The following BBS5 variants were observed in gnomAD, a reference collection of about 807,000 sequenced individuals.
The protein encoded by BBS5 is BBSome complex member BBS5.
Under a neutral mutation model 50.2 loss-of-function variants are expected in BBS5, and 39 were observed. The observed-to-expected ratio is 0.78, with a 90% CI of 0.60 to 1.01. The LOEUF (loss-of-function observed/expected upper bound fraction) is 1.01, where lower values mean the gene tolerates loss of function less well. Among genes scored for constraint, BBS5 ranks in the 50% least tolerant of loss-of-function variants. The pLI, the probability that BBS5 is intolerant of heterozygous loss-of-function variation, is 0.00. For synonymous variants in BBS5, 134 were observed against 133.1 expected (o/e 1.01, Z -0.05); for missense variants, 356 against 401.5 (o/e 0.89, Z 0.97).
chr2:169,504,514 CT>C lies in BBS5; in HGVS notation c.959del (p.Leu320ArgfsTer5), dbSNP rs1559126736. On this transcript the variant is annotated frameshift_variant, in exon 12 of 12. Transcript: ENST00000295240. LOFTEE classifies it high-confidence loss of function. ...TCGTGAACCTGTATTTTCAGAAGAA[CT>C]GGGGCTTGCAATAGAGAAATTGAAG... ...QDREPVFSEE[L>X]GLAIEKLKDG... 1 of 1,613,890 alleles carries C rather than the reference CT, an allele frequency of 6.2e-7. No homozygotes were observed.
rs769851369 is a variant in BBS5, at chr2:169,482,249, A to C, written c.60-2A>C. 15 of 1,596,014 alleles carry C rather than the reference A, an allele frequency of 9.4e-6. No individual in the cohort carries two copies. The highest frequency in any genetic ancestry group is 6.9e-6 in the Non-Finnish European group (8 of 1,163,746). On this transcript the variant is annotated splice_acceptor_variant, in intron 1 of 11. Transcript: ENST00000295240. LOFTEE classifies it high-confidence loss of function. ...AAATTCAAACCTTTATATTCACTTT[A>C]GGCAAATGAAAACAAGACCTGGAGA...
chr2:169,504,811 G>T lies in BBS5; in HGVS notation c.*229G>T. On this transcript the variant is annotated 3_prime_UTR_variant, in exon 12 of 12. Coordinates refer to ENST00000295240, the MANE Select transcript of BBS5 (RefSeq NM_152384.3). ...GGCCTAGTAACCGTCCGGCCGCGGC[G>T]CTGGCTTAAGCCATGGCTGAGGGTA... 3.2e-6 allele frequency: 5 copies of T among 1,574,320 alleles called. No homozygotes were observed. In the South Asian group the frequency reaches 3.4e-5, roughly 11 times the overall value.
At position 169,505,807 on chromosome 2, in the gene BBS5, AC is replaced by A; in HGVS notation, c.*1228del. 1 of 162,440 alleles carries A rather than the reference AC, an allele frequency of 6.2e-6. No individual in the cohort carries two copies. Among genetic ancestry groups the A allele is most frequent in the Non-Finnish European group, 1.3e-5 (1 of 77,846 alleles). 10.1% of individuals were successfully genotyped at this position (162,440 alleles called of 1,614,324 possible). On this transcript the variant is annotated 3_prime_UTR_variant, in exon 12 of 12. Transcript: ENST00000295240. ...TGAGGAGCGTCTCCGCCCGGCAGCC[AC>A]CCAGTCCGGGAGGGAGGTGGGGGGG...
At chr2:169,498,774 T>C (rs1683743453) in intron 8 of BBS5, among the ~76,000 whole-genome samples, 1 of 140,278 alleles carries the variant, frequency 7.1e-6, no homozygotes. Flanking sequence ...GCCGCTGCAC[T>C]CCAGCCTGGC....
chr2:169,502,164 G>A (rs1259253794), intron 9 of BBS5, among the ~76,000 whole-genome samples: 9 of 152,224 alleles, frequency 5.9e-5, no homozygotes, highest in Non-Finnish European at 1.2e-4. Context: ...ACTAGCACAC[G>A]ATAGGCTCTT....
At chr2:169,500,784 C>T (rs1001345659) in intron 9 of BBS5, among the ~76,000 whole-genome samples, 4 of 152,198 alleles carry the variant, frequency 2.6e-5, no homozygotes, top group African/African-American at 4.8e-5. Flanking sequence ...ATTACATACA[C>T]GGTATGTATT....
rs1270924110 is a variant in BBS5, at chr2:169,505,970, C to G, written c.*1388C>G. On this transcript the variant is annotated 3_prime_UTR_variant, in exon 12 of 12. Coordinates refer to ENST00000295240, the MANE Select transcript of BBS5 (RefSeq NM_152384.3). ...GAGGGAGGTGGGGGGGTCAGCCCCC[C>G]GCCCGGCCAGCCGCCCCGTCCGGGA... 1.6e-5 allele frequency: 1 copy of G among 61,792 alleles called. No homozygotes were observed. The highest frequency in any genetic ancestry group is 2.3e-4 in the Admixed American group (1 of 4,318). The allele number at this position is 61,792 out of a possible 1,614,324, so 3.8% of individuals were successfully genotyped here.
chr2:169,498,813 A>C (rs1205512923), intron 8 of BBS5, among the ~76,000 whole-genome samples: 1 of 151,568 alleles, frequency 6.6e-6, no homozygotes, highest in African/African-American at 2.4e-5. Context: ...TCTCAAAAAA[A>C]AAAAAAAAAA....
At chr2:169,492,216 G>T (rs1344980374) in intron 5 of BBS5, among the ~76,000 whole-genome samples, 1 of 151,962 alleles carries the variant, frequency 6.6e-6, no homozygotes, top group African/African-American at 2.4e-5. Flanking sequence ...TAGGGGCTGG[G>T]CATGGTGGCT....
chr2:169,479,724 G>A, intron 1 of BBS5, 112 bp downstream of exon 1: 2 of 1,233,696 alleles, frequency 1.6e-6, no homozygotes, highest in East Asian at 2.5e-5. Flanking sequence ...CCTGGTGAGG[G>A]TGGGAGGCTT....
chr2:169,499,038 C>A, intron 8 of BBS5: 1 of 170,704 alleles, frequency 5.9e-6, no homozygotes, highest in Non-Finnish European at 1.3e-5. Flanking sequence ...TCAGATGGCC[C>A]ATTTCCTTTC....
intron 7 of BBS5, among the ~76,000 whole-genome samples, chr2:169,495,624 C>T (rs1038403462): frequency 6.6e-6 from 1 of 152,192 alleles, no homozygotes; most frequent in Non-Finnish European, 1.5e-5. Flanking sequence ...GGTTAGATTA[C>T]CTATTGAAAG....
intron 7 of BBS5, among the ~76,000 whole-genome samples, chr2:169,494,320 T>G (rs776429890): frequency 4.6e-5 from 7 of 152,194 alleles, no homozygotes; most frequent in Non-Finnish European, 8.8e-5. Flanking sequence ...TTCATTGTAT[T>G]TAGATACAGA....
In BBS5 at chr2:169,503,115, G is replaced by GA; in HGVS notation, c.838dup (p.Thr280AsnfsTer8). 6.2e-7 allele frequency: 1 copy of GA among 1,613,918 alleles called. No individual in the cohort carries two copies. Among genetic ancestry groups the GA allele is most frequent in the Non-Finnish European group, 8.5e-7 (1 of 1,179,874 alleles). ...TTCAGCCCCAGCCGCTCGAAGCTCT[G>GA]ACAGTCGAACAAATTCAAGATGATG... On this transcript the variant is annotated frameshift_variant, in exon 10 of 12. Coordinates refer to ENST00000295240, the MANE Select transcript of BBS5 (RefSeq NM_152384.3). LOFTEE classifies it high-confidence loss of function.
At chr2:169,483,477 A>G (rs1040144431) in intron 2 of BBS5, among the ~76,000 whole-genome samples, 1 of 152,198 alleles carries the variant, frequency 6.6e-6, no homozygotes, top group African/African-American at 2.4e-5. Flanking sequence ...GTCTCTTAGT[A>G]GAGACATATT....
intron 1 of BBS5, among the ~76,000 whole-genome samples, chr2:169,481,708 A>G (rs758838634): frequency 2.0e-5 from 3 of 152,022 alleles, no homozygotes; most frequent in African/African-American, 7.2e-5. Context: ...CTATTTGTCA[A>G]ATTCCAAAGA....
intron 5 of BBS5, among the ~76,000 whole-genome samples, chr2:169,492,262 C>T (rs1683613522): frequency 6.6e-6 from 1 of 151,636 alleles, no homozygotes; most frequent in Non-Finnish European, 1.5e-5. Context: ...GAGGCCGAGG[C>T]GGGCAGATCA....
Position 169,505,988 on chromosome 2 carries a change from G to A in BBS5, c.*1406G>A, listed in dbSNP as rs1389065611. The A allele has an allele frequency of 1.3e-4, 8 of 62,636 alleles. No homozygotes were observed. Among genetic ancestry groups the A allele is most frequent in the African/African-American group, 3.0e-4 (8 of 26,254 alleles). 3.9% of individuals were successfully genotyped at this position (62,636 alleles called of 1,614,324 possible). On this transcript the variant is annotated 3_prime_UTR_variant, in exon 12 of 12. Transcript: ENST00000295240. ...AGCCCCCCGCCCGGCCAGCCGCCCC[G>A]TCCGGGAGGGAGGTGGGGGATCAGC...
chr2:169,479,736 C>G (rs1000541286), intron 1 of BBS5, 124 bp downstream of exon 1: 10 of 1,101,820 alleles, frequency 9.1e-6, no homozygotes, highest in Non-Finnish European at 1.3e-5. Flanking sequence ...GGGAGGCTTG[C>G]GCCGGTCGTC....
Sources: allele counts gnomAD v4.1 joint callset (sites outside exome capture counted in the v4.1 genomes callset), GRCh38; gene constraint gnomAD v4.1.1; transcripts MANE v1.5; gene names NCBI Gene and HGNC (gene_info 2026-07-23, HGNC 2026-07-21).